The following TRAPPC6B variants were observed in gnomAD, a reference collection of about 807,000 sequenced individuals.
TRAPPC6B encodes TRAPP complex subunit 6B.
TRAPPC6B carries 27 observed loss-of-function variants against 24.7 expected under a neutral mutation model. That is an observed-to-expected ratio of 1.09 (90% CI 0.81 to 1.51). The LOEUF is 1.51. Among genes scored for constraint, TRAPPC6B ranks in the 40% most tolerant of loss-of-function variants. TRAPPC6B has a pLI of 0.00. For synonymous variants in TRAPPC6B, 80 were observed against 66.6 expected (o/e 1.20, Z -0.98); for missense variants, 212 against 190.8 (o/e 1.11, Z -0.66).
intron 1 of TRAPPC6B, among the ~76,000 whole-genome samples, chr14:39,169,367 T>C (rs1332605728): frequency 6.6e-6 from 1 of 152,130 alleles, no homozygotes; most frequent in Non-Finnish European, 1.5e-5. Context: ...TACTATCACA[T>C]TTCGGATTAA....
rs2052883646 is a variant in TRAPPC6B, at chr14:39,148,727, C to T, written c.*1623G>A. 4 of 397,974 alleles carry T rather than the reference C, an allele frequency of 1.0e-5. No homozygotes were observed. The highest frequency in any genetic ancestry group is 1.8e-5 in the Non-Finnish European group (4 of 225,912). The allele number at this position is 397,974 out of a possible 1,614,324, so 24.7% of individuals were successfully genotyped here. On this transcript the variant is annotated 3_prime_UTR_variant, in exon 6 of 6. Transcript: ENST00000330149. ...TTTTTTCAAAATTAAAATTTTTTCC[C>T]CAAAACATGTGAGAATTAGGATTGC... is the stretch of plus-strand genomic sequence containing the variant.
chr14:39,154,411 T>A (rs45552842), intron 3 of TRAPPC6B, 117 bp from the exon 4 acceptor site: 3 of 652,532 alleles, frequency 4.6e-6, no homozygotes, highest in Non-Finnish European at 7.7e-6. Context: ...CTCCTTCCCA[T>A]TGGCCAAGTT....
At chr14:39,156,287 C>T (rs2052978212) in intron 3 of TRAPPC6B, among the ~76,000 whole-genome samples, 1 of 152,072 alleles carries the variant, frequency 6.6e-6, no homozygotes, top group African/African-American at 2.4e-5. Flanking sequence ...GAGTTTGAGA[C>T]CAGTCTGGAA....
At chr14:39,165,066 G>C (rs2053094553) in intron 1 of TRAPPC6B, among the ~76,000 whole-genome samples, 1 of 140,722 alleles carries the variant, frequency 7.1e-6, no homozygotes, top group South Asian at 2.2e-4. Context: ...TTTTTTTTGA[G>C]ACGGAGTCTC....
intron 1 of TRAPPC6B, among the ~76,000 whole-genome samples, chr14:39,163,778 C>A (rs1342953340): frequency 6.6e-6 from 1 of 150,940 alleles, no homozygotes; most frequent in Non-Finnish European, 1.5e-5. Flanking sequence ...ACTATTAAAT[C>A]TGCGTTTCTA....
chr14:39,158,697 T>A, intron 2 of TRAPPC6B: 2 of 223,120 alleles, frequency 9.0e-6, no homozygotes. Flanking sequence ...AATCTGTATA[T>A]CTTTGTAGAG....
At chr14:39,151,417 C>T (rs1330855705) in intron 5 of TRAPPC6B, among the ~76,000 whole-genome samples, 1 of 143,412 alleles carries the variant, frequency 7.0e-6, no homozygotes. Flanking sequence ...AAAAAAATAG[C>T]ATTTTCAATG....
rs2052893820 is a variant in TRAPPC6B at position 39,149,893 on chromosome 14, C to A, written c.*457G>T. 2 of 153,132 alleles carry A rather than the reference C, an allele frequency of 1.3e-5. No individual in the cohort carries two copies. The highest frequency in any genetic ancestry group is 1.3e-4 in the Admixed American group (2 of 15,264). 9.5% of individuals were successfully genotyped at this position (153,132 alleles called of 1,614,324 possible). A position where few individuals can be genotyped will look rare whatever the true frequency, so the allele number is the denominator to read the frequency against. ...AAATCCTTATACAGGTGTAAACATTCTTAATAAATTATAAGCAATAAAATA... is the reference window on the plus strand; with the variant it reads ...AAATCCTTATACAGGTGTAAACATTATTAATAAATTATAAGCAATAAAATA... On this transcript the variant is annotated 3_prime_UTR_variant, in exon 6 of 6. Coordinates refer to ENST00000330149, the MANE Select transcript of TRAPPC6B (RefSeq NM_001079537.2).
Position 39,159,478 on chromosome 14 carries a change from C to T in TRAPPC6B, c.149+5G>A, listed in dbSNP as rs371147847. 4.4e-6 allele frequency: 7 copies of T among 1,576,890 alleles called. No homozygotes were observed. The highest frequency in any genetic ancestry group is 8.6e-7 in the Non-Finnish European group (1 of 1,160,494). ...CAAGAAAATTTTCAAATCCAACCTG[C>T]TCACCTTTCTATCAATCCTTGTCCC... On this transcript the variant is annotated splice_donor_5th_base_variant and intron_variant, in intron 2 of 5. Transcript: ENST00000330149.
At chr14:39,169,868 T>C in intron 1 of TRAPPC6B, 147 bp downstream of exon 1, 1 of 684,884 alleles carries the variant, frequency 1.5e-6, no homozygotes, top group Non-Finnish European at 2.6e-6. Context: ...TGACAGGTTC[T>C]AGGGTTTAGG....
Position 39,170,320 on chromosome 14 carries a change from C to G in TRAPPC6B, c.-225G>C. The G allele has an allele frequency of 5.3e-6, 3 of 561,086 alleles. No individual in the cohort carries two copies. The highest frequency in any genetic ancestry group is 9.4e-6 in the Non-Finnish European group (3 of 319,392). The allele number at this position is 561,086 out of a possible 1,614,324, so 34.8% of individuals were successfully genotyped here. Reference sequence around the variant, plus strand: ...ACTTCGGGGCTACCAAATCCTAGGGCCGAACTAAAGTCTGACGGGAGCTCT... The same window carrying G: ...ACTTCGGGGCTACCAAATCCTAGGGGCGAACTAAAGTCTGACGGGAGCTCT... On this transcript the variant is annotated 5_prime_UTR_variant, in exon 1 of 6. Transcript: ENST00000330149.
At chr14:39,151,904 T>C in intron 4 of TRAPPC6B, 65 bp from the exon 5 acceptor site, 1 of 1,078,508 alleles carries the variant, frequency 9.3e-7, no homozygotes, top group Non-Finnish European at 1.4e-6. Context: ...TATTGATAAA[T>C]ACAACATTAC....
chr14:39,158,451 C>A (rs769677805), intron 2 of TRAPPC6B, 49 bp from the exon 3 acceptor site: 5 of 1,047,046 alleles, frequency 4.8e-6, no homozygotes, highest in Non-Finnish European at 7.1e-6. Flanking sequence ...CCAAAAAAAG[C>A]AAGAGGGACT....
At chr14:39,158,167 CAT>C (rs898643928) in intron 3 of TRAPPC6B, 116 bp downstream of exon 3, 1 of 626,362 alleles carries the variant, frequency 1.6e-6, no homozygotes, top group African/African-American at 1.9e-5. Flanking sequence ...TCATTAATAA[CAT>C]AAACATATTC....
chr14:39,154,871 C>T (rs2052957284), intron 3 of TRAPPC6B, among the ~76,000 whole-genome samples: 2 of 152,188 alleles, frequency 1.3e-5, no homozygotes, highest in Admixed American at 6.5e-5. Context: ...CTTAAAAACT[C>T]ATAGTCTAGT....
intron 5 of TRAPPC6B, among the ~76,000 whole-genome samples, chr14:39,150,763 T>C (rs1400265636): frequency 6.6e-6 from 1 of 152,136 alleles, no homozygotes; most frequent in Non-Finnish European, 1.5e-5. Context: ...GGTCTCAAAC[T>C]CCTGACCTCA....
chr14:39,163,096 G>A (rs2053075822), intron 1 of TRAPPC6B, among the ~76,000 whole-genome samples: 1 of 150,634 alleles, frequency 6.6e-6, no homozygotes, highest in Non-Finnish European at 1.5e-5. Context: ...GTGTTGGCTG[G>A]GTGTGGTGGC....
rs999053827 is a variant in TRAPPC6B, at chr14:39,147,818, A to T, written c.*2532T>A. The T allele has an allele frequency of 1.3e-5, 2 of 151,910 alleles. No individual in the cohort carries two copies. Among genetic ancestry groups the T allele is most frequent in the Admixed American group, 1.3e-4 (2 of 15,236 alleles). 9.4% of individuals were successfully genotyped at this position (151,910 alleles called of 1,614,324 possible). A position where few individuals can be genotyped will look rare whatever the true frequency, so the allele number is the denominator to read the frequency against. On this transcript the variant is annotated 3_prime_UTR_variant, in exon 6 of 6. Transcript: ENST00000330149. ...CACAAAATCACGAAAGTATTATCAC[A>T]TTTTCTTTAGTACTTTATTGTTTTA... is the stretch of plus-strand genomic sequence containing the variant.
At chr14:39,158,171 A>G (rs2139382425) in intron 3 of TRAPPC6B, 114 bp downstream of exon 3, 1 of 639,446 alleles carries the variant, frequency 1.6e-6, no homozygotes, top group East Asian at 2.9e-5. Context: ...TAATAACATA[A>G]ACATATTCCA....
Sources: gnomAD v4.1 joint callset for allele counts (sites outside exome capture counted in the v4.1 genomes callset) on GRCh38, gnomAD v4.1.1 for gene constraint, MANE v1.5 for transcripts, NCBI Gene and HGNC (gene_info 2026-07-23, HGNC 2026-07-21) for gene names.